The following C2orf15 variants were observed in gnomAD, a reference collection of about 807,000 sequenced individuals.
The protein encoded by C2orf15 is uncharacterized protein C2orf15.
A neutral mutation model predicts 4.4 loss-of-function variants in C2orf15; 3 were observed. That is an observed-to-expected ratio of 0.67 (90% confidence interval 0.31 to 1.74). The LOEUF (loss-of-function observed/expected upper bound fraction) is 1.74, where lower values mean the gene tolerates loss of function less well. Ranked by LOEUF, C2orf15 falls within the 40% of genes most tolerant of loss-of-function variation. The pLI is 0.09. For synonymous variants in C2orf15, 37 were observed against 36.8 expected (o/e 1.00, Z -0.02); for missense variants, 90 against 103.3 (o/e 0.87, Z 0.56).
chr2:99,142,851 G>A (rs2093585213), intron 2 of C2orf15, among the ~76,000 whole-genome samples: 1 of 152,050 alleles, frequency 6.6e-6, no homozygotes, highest in Non-Finnish European at 1.5e-5. Flanking sequence ...GAAGACTTCG[G>A]GGGTGGGGAG....
intron 3 of C2orf15, among the ~76,000 whole-genome samples, chr2:99,149,093 C>T (rs1397557955): frequency 6.6e-6 from 1 of 151,718 alleles, no homozygotes; most frequent in Non-Finnish European, 1.5e-5. Context: ...ATCACTTTAA[C>T]CTGCCGGGTG....
In C2orf15 at chr2:99,150,825, T is replaced by A; in HGVS notation, c.267T>A (p.Asp89Glu). 1 of 1,583,392 alleles carries A rather than the reference T, an allele frequency of 6.3e-7. No homozygotes were observed. The highest frequency in any genetic ancestry group is 8.6e-7 in the Non-Finnish European group (1 of 1,169,212). The change falls in exon 4 of 4, where the codon GAT becomes GAA. Residue 89 changes from aspartate to glutamate, a missense_variant. Physicochemically the swap from Asp to Glu is conservative, Grantham distance 45. Coordinates refer to ENST00000650052, the MANE Select transcript of C2orf15 (RefSeq NM_144706.4). ...VKESDGLEMTDVE is the reference protein window; with the variant it reads ...VKESDGLEMTEVE ...AAAGTGATGGACTAGAAATGACAGA[T>A]GTGGAATGAAGCAATTTGTACGTAT...
Position 99,147,302 on chromosome 2 carries a change from C to T in C2orf15, c.-168-100C>T, listed in dbSNP as rs562626854. ...AGGCGTGAGCCATTGTGCCCAGCCG[C>T]GTAGCCTATCTTAATATCTAGTAAA... On this transcript the variant is annotated intron_variant, in intron 2 of 3. Coordinates refer to ENST00000650052, the MANE Select transcript of C2orf15 (RefSeq NM_144706.4). 399 of 632,932 alleles carry T rather than the reference C, an allele frequency of 6.3e-4. 1 individual carries two copies. The highest frequency in any genetic ancestry group is 1.3e-3 in the Admixed American group (48 of 37,796). The allele number at this position is 632,932 out of a possible 1,614,324, so 39.2% of individuals were successfully genotyped here. A position where few individuals can be genotyped will look rare whatever the true frequency, so the allele number is the denominator to read the frequency against.
intron 2 of C2orf15, among the ~76,000 whole-genome samples, chr2:99,146,138 C>G (rs769975796): frequency 6.6e-6 from 1 of 152,172 alleles, no homozygotes; most frequent in African/African-American, 2.4e-5. Context: ...CAAAAATTAG[C>G]CGGGCATGGT....
At chr2:99,149,766 C>G (rs1358170150) in intron 3 of C2orf15, among the ~76,000 whole-genome samples, 1 of 143,044 alleles carries the variant, frequency 7.0e-6, no homozygotes, top group African/African-American at 2.6e-5. Context: ...ACAGACTAGA[C>G]ATCCTTAATC....
In C2orf15 at chr2:99,141,875, A is replaced by G. The variant is rs961423765; in HGVS notation, c.-348A>G. The G allele has an allele frequency of 2.0e-5, 3 of 152,338 alleles. No individual in the cohort carries two copies. Among genetic ancestry groups the G allele is most frequent in the Non-Finnish European group, 4.4e-5 (3 of 68,166 alleles). 9.4% of individuals were successfully genotyped at this position (152,338 alleles called of 1,614,324 possible). ...TCCTGCTGCAGCCAGGGCCCGTTTT[A>G]AGAGAGGCTTCCAGGTCCAGCCCTC... is the stretch of plus-strand genomic sequence containing the variant. On this transcript the variant is annotated 5_prime_UTR_variant, in exon 1 of 4. It removes the in-frame stop codon of an upstream open reading frame in the 5' UTR. Transcript: ENST00000650052.
intron 2 of C2orf15, among the ~76,000 whole-genome samples, chr2:99,146,104 G>A (rs1400171472): frequency 5.9e-5 from 9 of 152,188 alleles, no homozygotes; most frequent in Admixed American, 3.3e-4. Context: ...CCAACATGGC[G>A]AAACATCGTC....
At chr2:99,147,670 A>G (rs973317791) in intron 3 of C2orf15, among the ~76,000 whole-genome samples, 177 bp downstream of exon 3, 1 of 152,144 alleles carries the variant, frequency 6.6e-6, no homozygotes, top group Non-Finnish European at 1.5e-5. Context: ...TCAATTTTGT[A>G]TTTTGAAAAA....
chr2:99,142,577 A>G (rs577680226), intron 2 of C2orf15, among the ~76,000 whole-genome samples, 176 bp downstream of exon 2: 2 of 152,324 alleles, frequency 1.3e-5, no homozygotes, highest in Admixed American at 1.3e-4. Context: ...GATATCATAT[A>G]CTTTGTAAGT....
intron 3 of C2orf15, among the ~76,000 whole-genome samples, chr2:99,148,800 G>A (rs142994181): frequency 0.06 from 9,116 of 152,140 alleles, 528 homozygotes; most frequent in East Asian, 0.21. Context: ...GGGAAACCCC[G>A]TCTCTACTAA....
At chr2:99,144,345 A>T (rs893694498) in intron 2 of C2orf15, among the ~76,000 whole-genome samples, 16 of 151,754 alleles carry the variant, frequency 1.1e-4, no homozygotes, top group African/African-American at 3.9e-4. Flanking sequence ...TAAATCAGAG[A>T]GTTTCCTCCT....
intron 2 of C2orf15, among the ~76,000 whole-genome samples, chr2:99,142,803 G>A (rs1276466990): frequency 6.6e-6 from 1 of 152,092 alleles, no homozygotes; most frequent in Non-Finnish European, 1.5e-5. Context: ...AAACAAATAG[G>A]AAAGAATGTT....
In C2orf15 at chr2:99,150,817, A is replaced by T. The variant is rs148759504; in HGVS notation, c.259A>T (p.Met87Leu). 5.2e-5 allele frequency: 82 copies of T among 1,591,096 alleles called. No individual in the cohort carries two copies. The African/African-American group carries it at 1.1e-3, about 21-fold the overall frequency. The change falls in exon 4 of 4, where the codon ATG becomes TTG. Residue 87 changes from methionine (M) to leucine (L), a missense_variant. Coordinates refer to ENST00000650052, the MANE Select transcript of C2orf15 (RefSeq NM_144706.4). ...TGTCAAAGAAAGTGATGGACTAGAA[A>T]TGACAGATGTGGAATGAAGCAATTT... ...VYVKESDGLE[M>L]TDVE
At chr2:99,147,184 A>G (rs1007316305) in intron 2 of C2orf15, 12 of 362,054 alleles carry the variant, frequency 3.3e-5, no homozygotes, top group Admixed American at 1.3e-4. Context: ...TTTTTCTGAT[A>G]GGGATGAGGT....
intron 2 of C2orf15, among the ~76,000 whole-genome samples, chr2:99,143,158 T>G (rs112964172): frequency 1.1e-5 from 1 of 88,528 alleles, no homozygotes; most frequent in East Asian, 5.5e-4. Flanking sequence ...TTTTTTTTTT[T>G]TGAGACAGAG....
chr2:99,143,388 T>C (rs1047077145), intron 2 of C2orf15, among the ~76,000 whole-genome samples: 9 of 151,754 alleles, frequency 5.9e-5, no homozygotes, highest in Admixed American at 4.6e-4. Context: ...CTTGATCTCC[T>C]GACCTCATGA....
chr2:99,149,740 C>T (rs1214835773), intron 3 of C2orf15, among the ~76,000 whole-genome samples: 6 of 149,334 alleles, frequency 4.0e-5, no homozygotes, highest in Non-Finnish European at 8.9e-5. Flanking sequence ...CTGCGCTCGG[C>T]CGATCATCTC....
chr2:99,149,800 T>C (rs879851431), intron 3 of C2orf15, among the ~76,000 whole-genome samples: 1,798 of 146,790 alleles, frequency 0.012, 32 homozygotes, highest in Admixed American at 0.019. Flanking sequence ...TTTTTTTTTT[T>C]TTTTTTTTTA....
At position 99,150,543 on chromosome 2, in the gene C2orf15, T is replaced by G. The variant is rs146451233; in HGVS notation, c.-16T>G. 10 of 1,608,800 alleles carry G rather than the reference T, an allele frequency of 6.2e-6. No individual in the cohort carries two copies. The African/African-American group carries it at 1.3e-4, about 22-fold the overall frequency. On this transcript the variant is annotated 5_prime_UTR_variant, in exon 4 of 4. In the 5' UTR this introduces an upstream ATG that the reference lacks. Coordinates refer to ENST00000650052, the MANE Select transcript of C2orf15 (RefSeq NM_144706.4). ...AGGTACCTGCAAATTACTTTCACATTTGTTCAGCTATCCTAATGGGATTTT... is the reference window on the plus strand; with the variant it reads ...AGGTACCTGCAAATTACTTTCACATGTGTTCAGCTATCCTAATGGGATTTT...
Sources: gnomAD v4.1 joint callset for allele counts (sites outside exome capture counted in the v4.1 genomes callset) on GRCh38, gnomAD v4.1.1 for gene constraint, MANE v1.5 for transcripts, NCBI Gene and HGNC (gene_info 2026-07-23, HGNC 2026-07-21) for gene names.